Variants in SPIRE1 observed in about 807,000 individuals in gnomAD.
SPIRE1 encodes the protein protein spire homolog 1.
Under a neutral mutation model 94.1 loss-of-function variants are expected in SPIRE1, and 40 were observed. The ratio of observed to expected loss-of-function variants is 0.43; its 90% confidence interval spans 0.33 to 0.55. The LOEUF (loss-of-function observed/expected upper bound fraction) is 0.55, where lower values mean the gene tolerates loss of function less well. SPIRE1 is among the 20% of genes least tolerant of loss of function. The pLI is 0.06. For missense variants in SPIRE1, 838 were observed against 975.2 expected (o/e 0.86, Z 1.87); for synonymous variants, 376 against 371.7 (o/e 1.01, Z -0.13).
intron 2 of SPIRE1, among the ~76,000 whole-genome samples, chr18:12,587,763 C>T (rs1055159915): frequency 2.6e-5 from 4 of 152,142 alleles, no homozygotes; most frequent in African/African-American, 9.7e-5. Context: ...GGATATATTC[C>T]ACCACTTCTG....
intron 5 of SPIRE1, among the ~76,000 whole-genome samples, chr18:12,509,389 T>C (rs2033950626): frequency 6.6e-6 from 1 of 152,206 alleles, no homozygotes; most frequent in Non-Finnish European, 1.5e-5. Flanking sequence ...TGCTAACTTC[T>C]GAACACTGGA....
At chr18:12,558,334 C>G (rs183359941) in intron 2 of SPIRE1, among the ~76,000 whole-genome samples, 1 of 152,146 alleles carries the variant, frequency 6.6e-6, no homozygotes, top group African/African-American at 2.4e-5. Context: ...TTTGTGGTCT[C>G]GCTGGCTTCA....
chr18:12,452,396 T>C lies in SPIRE1; in HGVS notation c.1876-5A>G. The C allele has an allele frequency of 1.2e-6, 2 of 1,614,212 alleles. No individual in the cohort carries two copies. Among genetic ancestry groups the C allele is most frequent in the Non-Finnish European group, 1.7e-6 (2 of 1,180,042 alleles). On this transcript the variant is annotated splice_polypyrimidine_tract_variant and splice_region_variant and intron_variant, in intron 15 of 16. Coordinates refer to ENST00000409402, the MANE Select transcript of SPIRE1 (RefSeq NM_001128626.2). ...TGGTTTGGAGGGCAGCCGCATCTAT[T>C]ATCCCAAATAAAACTGGCAATGAGC...
chr18:12,462,306 T>A (rs1029470462), intron 12 of SPIRE1, among the ~76,000 whole-genome samples: 2 of 152,246 alleles, frequency 1.3e-5, no homozygotes, highest in African/African-American at 2.4e-5. Flanking sequence ...CATCACAGCC[T>A]TAAAAAATGG....
intron 2 of SPIRE1, among the ~76,000 whole-genome samples, chr18:12,560,777 G>A (rs537091119): frequency 2.0e-5 from 3 of 152,222 alleles, no homozygotes; most frequent in East Asian, 1.9e-4. Flanking sequence ...GCTGGAATCC[G>A]GGAGGCAAAG....
chr18:12,539,470 T>C (rs61676912), intron 3 of SPIRE1, among the ~76,000 whole-genome samples: 3,229 of 152,218 alleles, frequency 0.021, 115 homozygotes, highest in African/African-American at 0.073. Context: ...TTTTAGGTTA[T>C]GTCTTTATCA....
At chr18:12,537,160 T>C (rs1484827645) in intron 3 of SPIRE1, among the ~76,000 whole-genome samples, 1 of 152,208 alleles carries the variant, frequency 6.6e-6, no homozygotes, top group Non-Finnish European at 1.5e-5. Context: ...TCCAGAAGCA[T>C]TAAAAGCAGA....
intron 2 of SPIRE1, among the ~76,000 whole-genome samples, chr18:12,622,658 G>C (rs1335019904): frequency 6.6e-6 from 1 of 151,564 alleles, no homozygotes; most frequent in Non-Finnish European, 1.5e-5. Context: ...TCCTGACCTC[G>C]TGATCCGCCC....
intron 9 of SPIRE1, among the ~76,000 whole-genome samples, chr18:12,484,002 C>T (rs1047964117): frequency 1.3e-5 from 2 of 152,030 alleles, no homozygotes; most frequent in African/African-American, 2.4e-5. Context: ...TCTCTGCTAC[C>T]CTTTTACACT....
intron 2 of SPIRE1, among the ~76,000 whole-genome samples, chr18:12,564,067 A>G (rs1298708650): frequency 6.6e-6 from 1 of 152,226 alleles, no homozygotes; most frequent in Non-Finnish European, 1.5e-5. Flanking sequence ...TACAAAAAGC[A>G]TAGTTTTACA....
chr18:12,617,226 C>T (rs527316595), intron 2 of SPIRE1, among the ~76,000 whole-genome samples: 10 of 147,716 alleles, frequency 6.8e-5, no homozygotes, highest in African/African-American at 2.3e-4. Flanking sequence ...GTGGTGCGAT[C>T]TCAGATCATT....
intron 1 of SPIRE1, among the ~76,000 whole-genome samples, chr18:12,652,572 A>G (rs1278871731): frequency 6.6e-6 from 1 of 152,224 alleles, no homozygotes; most frequent in Non-Finnish European, 1.5e-5. Flanking sequence ...CTAAAGAGCT[A>G]GTCTTTCCTT....
rs915401369 is a variant in SPIRE1, at chr18:12,559,312, C to T, written c.373-12408G>A. Among the ~76,000 whole-genome samples the T allele has an allele frequency of 6.6e-6, 1 of 152,196 alleles. No homozygotes were observed. Among genetic ancestry groups the T allele is most frequent in the Non-Finnish European group, 1.5e-5 (1 of 68,014 alleles). On this transcript the variant is annotated intron_variant, in intron 2 of 16. Coordinates refer to ENST00000409402, the MANE Select transcript of SPIRE1 (RefSeq NM_001128626.2). The surrounding 1 kb of genome is among the most constrained non-coding windows in gnomAD (Gnocchi z 4.7). ...GCAGTGCTGGGGGACCCAGCGCACC[C>T]TCCACAGCTGCTGGCGCGGGTGCTA...
intron 2 of SPIRE1, among the ~76,000 whole-genome samples, chr18:12,607,184 A>G (rs2037001866): frequency 6.6e-6 from 1 of 152,206 alleles, no homozygotes; most frequent in Non-Finnish European, 1.5e-5. Context: ...GTGCTAAGTC[A>G]CCAATATTCA....
intron 2 of SPIRE1, among the ~76,000 whole-genome samples, chr18:12,624,268 A>G (rs62097152): frequency 6.7e-6 from 1 of 150,294 alleles, no homozygotes; most frequent in South Asian, 2.1e-4. Context: ...CATGGCTGGG[A>G]GTGGTGGCTC....
At chr18:12,592,009 G>A (rs1598504779) in intron 2 of SPIRE1, among the ~76,000 whole-genome samples, 1 of 151,142 alleles carries the variant, frequency 6.6e-6, no homozygotes, top group Non-Finnish European at 1.5e-5. Context: ...AATAGGTTTG[G>A]GGGGAAAAAA....
intron 2 of SPIRE1, among the ~76,000 whole-genome samples, chr18:12,576,455 G>A (rs1391321491): frequency 1.3e-5 from 2 of 151,454 alleles, no homozygotes; most frequent in Non-Finnish European, 2.9e-5. Context: ...GGTGGCGGGT[G>A]CCTGTAATCC....
intron 4 of SPIRE1, among the ~76,000 whole-genome samples, chr18:12,530,441 G>A (rs2034650837): frequency 6.6e-6 from 1 of 152,134 alleles, no homozygotes; most frequent in Non-Finnish European, 1.5e-5. Flanking sequence ...TGAGATCATA[G>A]TTCACTGCAG....
intron 2 of SPIRE1, among the ~76,000 whole-genome samples, chr18:12,599,437 AT>A (rs1200832640): frequency 6.6e-6 from 1 of 151,976 alleles, no homozygotes; most frequent in African/African-American, 2.4e-5. Flanking sequence ...ATTTAAAAAA[AT>A]TTTTTTATAG....
Sources: allele counts gnomAD v4.1 joint callset (sites outside exome capture counted in the v4.1 genomes callset), GRCh38; gene constraint gnomAD v4.1.1; non-coding constraint Gnocchi (gnomAD v3.1); transcripts MANE v1.5; gene names NCBI Gene and HGNC (gene_info 2026-07-23, HGNC 2026-07-21).